The following KMT2B variants were observed in gnomAD, a reference collection of about 807,000 sequenced individuals.
KMT2B encodes the protein lysine methyltransferase 2B, also known as histone-lysine N-methyltransferase 2B.
A neutral mutation model predicts 255.3 loss-of-function variants in KMT2B; 22 were observed. The ratio of observed to expected loss-of-function variants is 0.09; its 90% CI spans 0.06 to 0.12. The LOEUF is 0.12. Among genes scored for constraint, KMT2B ranks in the 10% least tolerant of loss-of-function variants. KMT2B has a pLI of 1.00. For missense variants in KMT2B, 3,149 were observed against 3,737.0 expected (o/e 0.84, Z 4.10); for synonymous variants, 1,730 against 1,498.1 (o/e 1.15, Z -3.57).
Position 35,727,015 on chromosome 19 carries a change from C to T in KMT2B, c.4004-141C>T. ...AAAAAAAAAAAAAAAGCCTCATCCT[C>T]AAGGAGCTTTTAGGGACTAGTAGGG... On this transcript the variant is annotated intron_variant, in intron 14 of 36. Coordinates refer to ENST00000420124, the MANE Select transcript of KMT2B (RefSeq NM_014727.3). The surrounding 1 kb of genome is among the most constrained non-coding windows in gnomAD (Gnocchi z 4.2). 2.2e-6 allele frequency: 1 copy of T among 450,500 alleles called. No homozygotes were observed. Among genetic ancestry groups the T allele is most frequent in the Non-Finnish European group, 4.0e-6 (1 of 248,812 alleles). 27.9% of individuals were successfully genotyped at this position (450,500 alleles called of 1,614,324 possible).
chr19:35,729,311 G>A lies in KMT2B; in HGVS notation c.4917+15G>A, dbSNP rs566962355. 5.7e-6 allele frequency: 9 copies of A among 1,582,646 alleles called. No individual in the cohort carries two copies. Among genetic ancestry groups the A allele is most frequent in the Admixed American group, 3.6e-5 (2 of 55,362 alleles). ...GGAGGCAGATGGTGAGGGCGCGGGC[G>A]CAGAGAGGTGGACAGCTCTCTGGCT... On this transcript the variant is annotated intron_variant, in intron 22 of 36. Coordinates refer to ENST00000420124, the MANE Select transcript of KMT2B (RefSeq NM_014727.3).
rs763196111 is a variant in KMT2B at position 35,725,055 on chromosome 19, G to A, written c.3496G>A (p.Asp1166Asn). 6 of 1,613,760 alleles carry A rather than the reference G, an allele frequency of 3.7e-6. No homozygotes were observed. In the African/African-American group the frequency reaches 5.3e-5, roughly 14 times the overall value. Residue 1166 changes from aspartate (D) to asparagine (N), a missense_variant, in exon 10 of 37, where the codon GAT becomes AAT. Physicochemically the swap from Asp to Asn is conservative, Grantham distance 23. Around this residue, in one of 18 missense-constraint regions of KMT2B, gnomAD observed 42 missense variants for 121.0 expected, o/e 0.35. Coordinates refer to ENST00000420124, the MANE Select transcript of KMT2B (RefSeq NM_014727.3). The surrounding 1 kb of genome is among the most constrained non-coding windows in gnomAD (Gnocchi z 4.1). ...NGWTGKQKSP[D>N]GVHRVRVDFK... ...CTGGACTGGAAAGCAGAAGTCTCCC[G>A]ATGGTGTGCACCGCGTCCGTGTGGA...
rs61746997 is a variant in KMT2B, at chr19:35,724,681, C to G, written c.3379C>G (p.Pro1127Ala). 412 of 1,603,310 alleles carry G rather than the reference C, an allele frequency of 2.6e-4. 1 individual carries two copies. In the African/African-American group the frequency reaches 4.2e-3, roughly 16 times the overall value. ...TGAGGAGCAGAGCCGGCCCCGCAAACCTACCCTGCAGCCTGTGTTGCAGCT... is the reference window on the plus strand; with the variant it reads ...TGAGGAGCAGAGCCGGCCCCGCAAAGCTACCCTGCAGCCTGTGTTGCAGCT... ...EPEEQSRPRK[P>A]TLQPVLQLKA... Residue 1127 changes from proline to alanine, a missense_variant, in exon 9 of 37, where the codon CCT becomes GCT. This residue lies in a region of KMT2B where 136 missense variants were observed against 137.3 expected (regional missense o/e 0.99). Transcript: ENST00000420124.
intron 30 of KMT2B, among the ~76,000 whole-genome samples, chr19:35,734,158 G>A (rs1969832055): frequency 6.6e-6 from 1 of 152,148 alleles, no homozygotes; most frequent in East Asian, 1.9e-4. Flanking sequence ...GGAGCTGAGA[G>A]AGAGCTTCCT....
intron 8 of KMT2B, 149 bp downstream of exon 8, chr19:35,724,156 G>T: frequency 1.4e-6 from 1 of 731,892 alleles, no homozygotes; most frequent in Non-Finnish European, 2.2e-6. Flanking sequence ...TTAGGTGGAT[G>T]TACAGAACTG....
At position 35,723,357 on chromosome 19, in the gene KMT2B, G is replaced by T; in HGVS notation, c.3002+83G>T. ...CTCACTCCTCTTCTGCCTGGCCAGAGCAGTGGGGTTGGCATTCTTGTGGAG... is the reference window on the plus strand; with the variant it reads ...CTCACTCCTCTTCTGCCTGGCCAGATCAGTGGGGTTGGCATTCTTGTGGAG... On this transcript the variant is annotated intron_variant, in intron 6 of 36. Transcript: ENST00000420124. The surrounding 1 kb of genome is among the most constrained non-coding windows in gnomAD (Gnocchi z 7.5). 6.4e-7 allele frequency: 1 copy of T among 1,554,660 alleles called. No individual in the cohort carries two copies. The highest frequency in any genetic ancestry group is 8.7e-7 in the Non-Finnish European group (1 of 1,145,270).
At position 35,723,377 on chromosome 19, in the gene KMT2B, G is replaced by C; in HGVS notation, c.3003-70G>C. ...CCAGAGCAGTGGGGTTGGCATTCTT[G>C]TGGAGAGCTTCCTCTCTTCCCCCAG... On this transcript the variant is annotated intron_variant, in intron 6 of 36. Coordinates refer to ENST00000420124, the MANE Select transcript of KMT2B (RefSeq NM_014727.3). The surrounding 1 kb of genome is among the most constrained non-coding windows in gnomAD (Gnocchi z 7.5). 1 of 1,539,708 alleles carries C rather than the reference G, an allele frequency of 6.5e-7. No homozygotes were observed. The highest frequency in any genetic ancestry group is 8.8e-7 in the Non-Finnish European group (1 of 1,137,568).
At chr19:35,726,183 T>C (rs1969433686) in intron 13 of KMT2B, 53 bp from the exon 14 acceptor site, 2 of 1,374,238 alleles carry the variant, frequency 1.5e-6, no homozygotes, top group South Asian at 1.2e-5. Context: ...CTCCCGCTCA[T>C]GTTGCTCCAG....
Position 35,724,728 on chromosome 19 carries a change from C to T in KMT2B, c.3426C>T (p.Asp1142=). The change falls in exon 9 of 37, where the codon GAC becomes GAT. Residue 1142 remains aspartate, a synonymous_variant. Coordinates refer to ENST00000420124, the MANE Select transcript of KMT2B (RefSeq NM_014727.3). ...VLQLKARRRL[D]KDALAPGPFA... ...AGCTCAAGGCCCGAAGGCGCCTGGACAAGGTCAGCACGGCCCGCTCCGAGA... is the reference window on the plus strand; with the variant it reads ...AGCTCAAGGCCCGAAGGCGCCTGGATAAGGTCAGCACGGCCCGCTCCGAGA... 6.3e-7 allele frequency: 1 copy of T among 1,586,108 alleles called. No homozygotes were observed. The highest frequency in any genetic ancestry group is 8.6e-7 in the Non-Finnish European group (1 of 1,166,744).
chr19:35,723,082 A>T lies in KMT2B; in HGVS notation c.2810A>T (p.Glu937Val). ...VEAAGPGGES[E>V]PTGSGGTLAH... Reference sequence around the variant, plus strand: ...GCAGCAGGCCCTGGGGGAGAATCAGAGCCCACAGGTTCTGGAGGGACCCTG... The same window carrying T: ...GCAGCAGGCCCTGGGGGAGAATCAGTGCCCACAGGTTCTGGAGGGACCCTG... The change falls in exon 6 of 37, where the codon GAG (glutamate) becomes GTG (valine). Residue 937 changes from glutamate (E) to valine (V), a missense_variant. Glu to Val is a moderately radical substitution (Grantham distance 121). Around this residue, in one of 18 missense-constraint regions of KMT2B, gnomAD observed 132 missense variants for 174.7 expected, o/e 0.76. Coordinates refer to ENST00000420124, the MANE Select transcript of KMT2B (RefSeq NM_014727.3). The surrounding 1 kb of genome is among the most constrained non-coding windows in gnomAD (Gnocchi z 7.5). 1 of 1,613,078 alleles carries T rather than the reference A, an allele frequency of 6.2e-7. No individual in the cohort carries two copies. Among genetic ancestry groups the T allele is most frequent in the Non-Finnish European group, 8.5e-7 (1 of 1,179,796 alleles).
rs1969930274 is a variant in KMT2B at position 35,736,701 on chromosome 19, A to G, written c.7171A>G (p.Ser2391Gly). The G allele has an allele frequency of 6.2e-7, 1 of 1,613,668 alleles. No individual in the cohort carries two copies. Among genetic ancestry groups the G allele is most frequent in the Non-Finnish European group, 8.5e-7 (1 of 1,179,772 alleles). The change falls in exon 31 of 37, where the codon AGC (serine) becomes GGC (glycine). Residue 2391 changes from serine to glycine, a missense_variant. By Grantham distance (56) the Ser-to-Gly change is moderately conservative. Around this residue, in one of 18 missense-constraint regions of KMT2B, gnomAD observed 897 missense variants for 825.3 expected, o/e 1.09. Transcript: ENST00000420124. ...QWHHYSGEAS[S>G]SEEEPPSPDD... ...CTTCTTGGGACCAGGTGAGGCTTCG[A>G]GCTCTGAGGAAGAGCCTCCATCCCC... is the stretch of plus-strand genomic sequence containing the variant.
chr19:35,736,590 A>G (rs1267139013), intron 30 of KMT2B, 100 bp from the exon 31 acceptor site: 1 of 1,404,024 alleles, frequency 7.1e-7, no homozygotes, highest in East Asian at 2.4e-5. Flanking sequence ...GTCTGCGCCT[A>G]GGGGTGGAGA....
In KMT2B at chr19:35,737,108, G is replaced by T. The variant is rs1485383624; in HGVS notation, c.7395G>T (p.Leu2465=). The part of the protein sequence containing the change: ...SFSGMSGARL[L]GIHHDAVIFL... The stretch of plus-strand genomic sequence containing the variant: ...CAGGAATGAGTGGGGCGAGACTCCT[G>T]GGCATCCACCATGATGCTGTCATCT... Residue 2465 remains leucine (L), a synonymous_variant, in exon 33 of 37, where the codon CTG becomes CTT. Transcript: ENST00000420124. This position sits in a 1 kb window ranked among gnomAD's most constrained non-coding sequence, Gnocchi z 5.3. The T allele has an allele frequency of 1.2e-6, 2 of 1,609,946 alleles. No homozygotes were observed. The highest frequency in any genetic ancestry group is 2.7e-5 in the African/African-American group (2 of 74,872).
In KMT2B at chr19:35,727,358, G is replaced by A. The variant is rs776331201; in HGVS notation, c.4118-80G>A. Reference sequence around the variant, plus strand: ...GCCCCAAGAGGACTGGTGGGCTAAGGGTCCTTGCTGGCCTAGGGGCTGCTG... The same window carrying A: ...GCCCCAAGAGGACTGGTGGGCTAAGAGTCCTTGCTGGCCTAGGGGCTGCTG... On this transcript the variant is annotated intron_variant, in intron 15 of 36. Transcript: ENST00000420124. The surrounding 1 kb of genome is among the most constrained non-coding windows in gnomAD (Gnocchi z 4.2). The A allele has an allele frequency of 2.5e-6, 4 of 1,582,718 alleles. No individual in the cohort carries two copies. The highest frequency in any genetic ancestry group is 2.2e-5 in the East Asian group (1 of 44,706).
rs367848600 is a variant in KMT2B, at chr19:35,721,627, G to A, written c.2280G>A (p.Leu760=). 9 of 1,608,468 alleles carry A rather than the reference G, an allele frequency of 5.6e-6. No individual in the cohort carries two copies. The East Asian group carries it at 2.0e-4, about 36-fold the overall frequency. The stretch of plus-strand genomic sequence containing the variant: ...CACTACCGCCACCACAGCCACAGCT[G>A]CAGCCACCGCCGTCACCACAGCAGA... The part of the protein sequence containing the change: ...PQALPPPQPQ[L]QPPPSPQQMP... Residue 760 remains leucine (L), a synonymous_variant, in exon 3 of 37, where the codon CTG becomes CTA. Coordinates refer to ENST00000420124, the MANE Select transcript of KMT2B (RefSeq NM_014727.3).
rs777852408 is a variant in KMT2B, at chr19:35,727,144, C to A, written c.4004-12C>A. ...TCCAGCACCTCTGACTCCTTCTCTT[C>A]CCTTTCTCTAGGAAACTACTGCCCG... On this transcript the variant is annotated splice_polypyrimidine_tract_variant and intron_variant, in intron 14 of 36. Coordinates refer to ENST00000420124, the MANE Select transcript of KMT2B (RefSeq NM_014727.3). This position sits in a 1 kb window ranked among gnomAD's most constrained non-coding sequence, Gnocchi z 4.2. The A allele has an allele frequency of 6.3e-7, 1 of 1,595,528 alleles. No homozygotes were observed. Among genetic ancestry groups the A allele is most frequent in the Admixed American group, 1.7e-5 (1 of 58,544 alleles).
At position 35,732,129 on chromosome 19, in the gene KMT2B, T is replaced by C. The variant is rs1197255674; in HGVS notation, c.5659T>C (p.Ser1887Pro). ...LGGVSFGPLP[S>P]PGSPSSLTHH... Reference sequence around the variant, plus strand: ...GGGTGTCTCCTTTGGCCCCCTGCCCTCCCCTGGTGAGCACCGGGCATGTGG... The same window carrying C: ...GGGTGTCTCCTTTGGCCCCCTGCCCCCCCCTGGTGAGCACCGGGCATGTGG... The change falls in exon 27 of 37, where the codon TCC (serine) becomes CCC (proline). Residue 1887 changes from serine to proline, a missense_variant. Around this residue, in one of 18 missense-constraint regions of KMT2B, gnomAD observed 897 missense variants for 825.3 expected, o/e 1.09. Transcript: ENST00000420124. 9.4e-6 allele frequency: 15 copies of C among 1,590,702 alleles called. No homozygotes were observed. The highest frequency in any genetic ancestry group is 1.3e-5 in the Non-Finnish European group (15 of 1,168,570).
chr19:35,719,608 CT>C (rs1969099204), intron 2 of KMT2B, 67 bp downstream of exon 2: 1 of 1,527,494 alleles, frequency 6.5e-7, no homozygotes, highest in African/African-American at 1.4e-5. Context: ...CGTGTCAGCT[CT>C]TCCCTGTTCA....
At chr19:35,736,606 G>A (rs1282927270) in intron 30 of KMT2B, 84 bp from the exon 31 acceptor site, 1 of 1,519,024 alleles carries the variant, frequency 6.6e-7, no homozygotes, top group African/African-American at 1.4e-5. Context: ...GGAGAGAGTG[G>A]TGTCTGCTGG....
Sources: gnomAD v4.1 joint callset for allele counts (sites outside exome capture counted in the v4.1 genomes callset) on GRCh38, gnomAD v4.1.1 for gene constraint, gnomAD v4.1.1 regional missense constraint, Gnocchi (gnomAD v3.1) non-coding constraint, MANE v1.5 for transcripts, NCBI Gene and HGNC (gene_info 2026-07-23, HGNC 2026-07-21) for gene names.